Variants in ZNF429 observed in about 807,000 individuals in gnomAD.
The protein encoded by ZNF429 is zinc finger protein 429.
In ZNF429, 53 loss-of-function variants were observed where a neutral mutation model predicts 56.8. That is an observed-to-expected ratio of 0.93 (90% CI 0.75 to 1.17). ZNF429 has a LOEUF of 1.17. Ranked by LOEUF, ZNF429 falls within the 50% of genes most tolerant of loss-of-function variation. The pLI is 0.00. For synonymous variants in ZNF429, 278 were observed against 264.7 expected (o/e 1.05, Z -0.49); for missense variants, 849 against 788.4 (o/e 1.08, Z -0.92).
chr19:21,535,406 TTTTTCTTTTCTTTCTTTCTTTC>T, intron 3 of ZNF429, among the ~76,000 whole-genome samples: 1 of 18,642 alleles, frequency 5.4e-5, no homozygotes, highest in South Asian at 1.8e-3. Flanking sequence ...TCTTTCTTTC[TTTTTCTTTTCTTTCTTTCTTTC>T]TTTCTTTCTT....
chr19:21,532,097 C>A, intron 3 of ZNF429, among the ~76,000 whole-genome samples: 1 of 151,822 alleles, frequency 6.6e-6, no homozygotes, highest in African/African-American at 2.4e-5. Flanking sequence ...AAAGTATTTA[C>A]AATTAAAAAT....
chr19:21,511,097 A>G (rs1197705730), intron 1 of ZNF429, among the ~76,000 whole-genome samples: 1 of 152,182 alleles, frequency 6.6e-6, no homozygotes, highest in Admixed American at 6.5e-5. Context: ...GCTGTTGGGT[A>G]CACCTCCCAG....
intron 2 of ZNF429, 39 bp downstream of exon 2, chr19:21,529,823 A>G: frequency 7.8e-7 from 1 of 1,286,788 alleles, no homozygotes; most frequent in Non-Finnish European, 1.1e-6. Context: ...AATATACCCT[A>G]AATGTTTCAT....
intron 1 of ZNF429, chr19:21,521,494 A>T (rs1180386695): frequency 6.6e-6 from 1 of 152,220 alleles, no homozygotes; most frequent in Non-Finnish European, 1.5e-5. Flanking sequence ...CATGTTTCTC[A>T]TGCTGACAAT....
At position 21,535,408 on chromosome 19, in the gene ZNF429, TTTCTTTTCTTTC is replaced by T; in HGVS notation, c.227-869_227-858del. Among the ~76,000 whole-genome samples, 2 of 102,380 alleles carry T rather than the reference TTTCTTTTCTTTC, an allele frequency of 2.0e-5. 1 individual carries two copies. The highest frequency in any genetic ancestry group is 5.2e-4 in the East Asian group (2 of 3,844). 67.2% of individuals were successfully genotyped at this position (102,380 alleles called of 152,430 possible). On this transcript the variant is annotated intron_variant, in intron 3 of 3. Transcript: ENST00000358491. ...TACTTTCTTTCTTTCTTTCTTTCTT[TTTCTTTTCTTTC>T]TTTCTTTCTTTCTTTCTTTCTTTCT...
chr19:21,505,786 G>T lies in ZNF429; in HGVS notation c.3+12G>T, dbSNP rs2032107084. The T allele has an allele frequency of 1.2e-6, 2 of 1,611,434 alleles. No homozygotes were observed. The stretch of plus-strand genomic sequence containing the variant: ...GAAGCCTAGAAATGGTGAGAGTGCC[G>T]AGTCTGACATCCCCAGAGAGGGGGA... On this transcript the variant is annotated intron_variant, in intron 1 of 3. Transcript: ENST00000358491.
At position 21,540,511 on chromosome 19, in the gene ZNF429, G is replaced by A. The variant is rs530843209; in HGVS notation, c.*2433G>A. ...CATCAATTACATCAGGGTAAATTATGTAGCCATTACTTGTAACATTTATCT... is the reference window on the plus strand; with the variant it reads ...CATCAATTACATCAGGGTAAATTATATAGCCATTACTTGTAACATTTATCT... On this transcript the variant is annotated 3_prime_UTR_variant, in exon 4 of 4. Coordinates refer to ENST00000358491, the MANE Select transcript of ZNF429 (RefSeq NM_001001415.4). 4.6e-5 allele frequency among the ~76,000 whole-genome samples: 7 copies of A among 152,072 alleles called. No individual in the cohort carries two copies. The highest frequency in any genetic ancestry group is 1.4e-4 in the African/African-American group (6 of 41,508).
At position 21,537,221 on chromosome 19, in the gene ZNF429, A is replaced by G. The variant is rs117126050; in HGVS notation, c.1168A>G (p.Ile390Val). The change falls in exon 4 of 4, where the codon ATT becomes GTT. Residue 390 changes from isoleucine to valine, a missense_variant. Ile to Val is a conservative substitution (Grantham distance 29). Transcript: ENST00000358491. ...TTCAAGACTTACTCGACATAAAAAA[A>G]TTCATACTGGAGAGGAACCCTACAA... ...QSSRLTRHKK[I>V]HTGEEPYKFE... 0.01 allele frequency: 16,507 copies of G among 1,614,052 alleles called. 110 individuals carry two copies. The highest frequency in any genetic ancestry group is 0.011 in the Non-Finnish European group (13,017 of 1,179,990).
chr19:21,534,182 T>TA, intron 3 of ZNF429, among the ~76,000 whole-genome samples: 2 of 148,850 alleles, frequency 1.3e-5, no homozygotes. Flanking sequence ...TTAGGGATTA[T>TA]ATTAAATGTG....
chr19:21,511,182 C>T (rs1212171241), intron 1 of ZNF429, among the ~76,000 whole-genome samples: 12 of 151,994 alleles, frequency 7.9e-5, no homozygotes, highest in South Asian at 6.2e-4. Flanking sequence ...CCCCACCTCC[C>T]GGATGGGGCG....
intron 3 of ZNF429, among the ~76,000 whole-genome samples, 192 bp from the exon 4 acceptor site, chr19:21,536,088 A>G: frequency 1.3e-5 from 2 of 151,674 alleles, no homozygotes; most frequent in Non-Finnish European, 2.9e-5. Context: ...TAACTTATTG[A>G]TAAATTATCC....
chr19:21,518,364 C>T (rs1161028634), intron 1 of ZNF429, among the ~76,000 whole-genome samples: 1 of 150,242 alleles, frequency 6.7e-6, no homozygotes, highest in Non-Finnish European at 1.5e-5. Flanking sequence ...GTAAATTCCC[C>T]TTTTAACCTC....
chr19:21,510,900 A>G (rs988438857), intron 1 of ZNF429, among the ~76,000 whole-genome samples: 2 of 152,054 alleles, frequency 1.3e-5, no homozygotes, highest in Non-Finnish European at 2.9e-5. Flanking sequence ...GTTGGGGGTA[A>G]GGTCATAGAT....
chr19:21,534,105 A>G, intron 3 of ZNF429, among the ~76,000 whole-genome samples: 2 of 152,182 alleles, frequency 1.3e-5, no homozygotes. Flanking sequence ...GTGTTTGGCT[A>G]TAGTTTATGA....
chr19:21,508,606 G>T (rs2032300308), intron 1 of ZNF429, among the ~76,000 whole-genome samples: 1 of 152,102 alleles, frequency 6.6e-6, no homozygotes, highest in African/African-American at 2.4e-5. Flanking sequence ...GCGCATAAAA[G>T]AGGTGGGCTT....
At chr19:21,521,638 T>A (rs2032987914) in intron 1 of ZNF429, 1 of 152,382 alleles carries the variant, frequency 6.6e-6, no homozygotes, top group Non-Finnish European at 1.5e-5. Flanking sequence ...AGTAGAATCT[T>A]GCTGAGATGG....
intron 1 of ZNF429, among the ~76,000 whole-genome samples, chr19:21,510,590 A>AT (rs528502097): frequency 0.036 from 5,466 of 151,538 alleles, 319 homozygotes; most frequent in African/African-American, 0.13. Context: ...TAATTTTTTA[A>AT]TTTTTTTTTA....
chr19:21,506,767 G>GTTTTTT (rs60650857), intron 1 of ZNF429, among the ~76,000 whole-genome samples: 21 of 111,774 alleles, frequency 1.9e-4, no homozygotes, highest in East Asian at 5.2e-4. Context: ...TTAGTTTTTT[G>GTTTTTT]TTTTTTTTTT....
At chr19:21,531,401 TC>T in intron 3 of ZNF429, among the ~76,000 whole-genome samples, 1 of 152,112 alleles carries the variant, frequency 6.6e-6, no homozygotes, top group African/African-American at 2.4e-5. Context: ...TGAAGAGGTG[TC>T]TGCTTCTTCA....
Sources: allele counts gnomAD v4.1 joint callset (sites outside exome capture counted in the v4.1 genomes callset), GRCh38; gene constraint gnomAD v4.1.1; transcripts MANE v1.5; gene names NCBI Gene and HGNC (gene_info 2026-07-23, HGNC 2026-07-21).